Variants in LRTM3 observed in about 807,000 individuals in gnomAD.
LRTM3 encodes the protein leucine-rich repeat transmembrane protein 3.
At chr13:102,755,890 TAC>T in the LRTM3 span, among the ~76,000 whole-genome samples, 123 of 140,396 alleles carry the variant, frequency 8.8e-4, no homozygotes, top group African/African-American at 3.0e-3. Flanking sequence ...TATATATGTA[TAC>T]ACATATATAT....
the LRTM3 span, chr13:102,732,114 C>CT: frequency 1.3e-6 from 2 of 1,551,318 alleles, no homozygotes; most frequent in Non-Finnish European, 1.7e-6. Context: ...TTCTGTTCCC[C>CT]TTTTACAATT....
chr13:102,730,755 T>G, the LRTM3 span: 1 of 1,551,706 alleles, frequency 6.4e-7, no homozygotes, highest in Non-Finnish European at 8.7e-7. Flanking sequence ...GCAATTGTGT[T>G]TAACTTACTA....
the LRTM3 span, chr13:102,743,952 C>T: frequency 2.2e-5 from 34 of 1,550,372 alleles, no homozygotes; most frequent in Non-Finnish European, 3.0e-5. Flanking sequence ...TCCTTTTCCT[C>T]TGTAATATGA....
At chr13:102,745,770 C>T in the LRTM3 span, 10 of 1,551,032 alleles carry the variant, frequency 6.4e-6, no homozygotes, top group Non-Finnish European at 8.7e-6. Flanking sequence ...ATTTCATCAA[C>T]CTTTGCTTCC....
the LRTM3 span, chr13:102,747,863 C>T: frequency 6.4e-7 from 1 of 1,551,312 alleles, no homozygotes; most frequent in East Asian, 2.4e-5. Flanking sequence ...ACTTCCTGAA[C>T]TGATCTGTTC....
At chr13:102,755,198 C>A in the LRTM3 span, among the ~76,000 whole-genome samples, 2 of 152,168 alleles carry the variant, frequency 1.3e-5, no homozygotes, top group Non-Finnish European at 2.9e-5. Context: ...GCAACTCCCT[C>A]TGTTCTGCTC....
chr13:102,731,071 T>C, the LRTM3 span: 159 of 1,551,436 alleles, frequency 1.0e-4, 1 homozygote, highest in African/African-American at 2.1e-3. Context: ...TTTCTTTTAC[T>C]GAGTGGTTTT....
chr13:102,749,472 A>G, the LRTM3 span: 1 of 1,551,388 alleles, frequency 6.4e-7, no homozygotes, highest in Non-Finnish European at 8.7e-7. Context: ...TTAATTGAAT[A>G]TTTAACCTTG....
the LRTM3 span, chr13:102,729,734 A>C: frequency 1.3e-6 from 2 of 1,551,780 alleles, no homozygotes; most frequent in Non-Finnish European, 1.7e-6. Context: ...TTTGCTTTGG[A>C]AACAATCCAA....
At chr13:102,748,087 T>C in the LRTM3 span, 2 of 1,551,142 alleles carry the variant, frequency 1.3e-6, no homozygotes, top group Middle Eastern at 1.7e-4. Flanking sequence ...TGAGCCTTAT[T>C]ATTCTTAATG....
the LRTM3 span, chr13:102,731,481 C>T: frequency 6.4e-7 from 1 of 1,551,262 alleles, no homozygotes; most frequent in Non-Finnish European, 8.7e-7. Context: ...GTAAACTGTT[C>T]TAAAAGGGAT....
chr13:102,756,889 G>C, the LRTM3 span, among the ~76,000 whole-genome samples: 8 of 151,910 alleles, frequency 5.3e-5, no homozygotes, highest in Admixed American at 1.3e-4. Context: ...GATGCCACCC[G>C]AGGATTAACT....
chr13:102,756,098 G>A, the LRTM3 span, among the ~76,000 whole-genome samples: 2 of 150,954 alleles, frequency 1.3e-5, no homozygotes, highest in East Asian at 2.0e-4. Context: ...GATTACAGGC[G>A]CATGCCACCA....
the LRTM3 span, chr13:102,747,371 G>T: frequency 2.6e-6 from 4 of 1,550,072 alleles, no homozygotes; most frequent in African/African-American, 5.5e-5. Flanking sequence ...GTGGTTTGAA[G>T]TACCACATAT....
the LRTM3 span, among the ~76,000 whole-genome samples, chr13:102,753,586 C>A: frequency 6.6e-6 from 1 of 151,898 alleles, no homozygotes; most frequent in Non-Finnish European, 1.5e-5. Flanking sequence ...AGAAACACCT[C>A]AGGAGAAACC....
the LRTM3 span, among the ~76,000 whole-genome samples, chr13:102,752,275 C>T: frequency 6.6e-6 from 1 of 152,176 alleles, no homozygotes; most frequent in East Asian, 1.9e-4. Context: ...ATTGCTCATG[C>T]ACACATTTCT....
the LRTM3 span, chr13:102,747,580 A>G: frequency 6.4e-7 from 1 of 1,551,190 alleles, no homozygotes; most frequent in Non-Finnish European, 8.7e-7. Context: ...TTTCTTCTGC[A>G]ATATGACTAT....
chr13:102,734,366 G>C, the LRTM3 span: 10 of 1,551,260 alleles, frequency 6.4e-6, no homozygotes, highest in Admixed American at 1.8e-4. Context: ...TGCATGCGTA[G>C]CTCTCTCCAG....
chr13:102,752,877 G>C, the LRTM3 span, among the ~76,000 whole-genome samples: 2 of 152,198 alleles, frequency 1.3e-5, no homozygotes, highest in African/African-American at 4.8e-5. Flanking sequence ...ACTGATGTTA[G>C]TTAACTTATT....
Sources: gnomAD v4.1 joint callset for allele counts (sites outside exome capture counted in the v4.1 genomes callset) on GRCh38, gnomAD v4.1.1 for gene constraint, MANE v1.5 for transcripts, NCBI Gene and HGNC (gene_info 2026-07-23, HGNC 2026-07-21) for gene names.